DLGAP2: variants seen among roughly 807,000 people sequenced by gnomAD.
DLGAP2 encodes disks large-associated protein 2.
A neutral mutation model predicts 100.3 loss-of-function variants in DLGAP2; 26 were observed. That is an observed-to-expected ratio of 0.26 (90% CI 0.19 to 0.36). DLGAP2 has a LOEUF of 0.36. Among genes scored for constraint, DLGAP2 ranks in the 10% least tolerant of loss-of-function variants. DLGAP2 has a pLI of 1.00. For synonymous variants in DLGAP2, 886 were observed against 630.1 expected (o/e 1.41, Z -6.08); for missense variants, 1,858 against 1,453.2 (o/e 1.28, Z -4.53).
intron 1 of DLGAP2, among the ~76,000 whole-genome samples, chr8:869,983 T>C (rs2128991440): frequency 6.6e-6 from 1 of 150,604 alleles, no homozygotes; most frequent in Admixed American, 6.6e-5. Context: ...AGAAACTGGC[T>C]GAGAAAGATA....
intron 12 of DLGAP2, among the ~76,000 whole-genome samples, chr8:1,679,832 G>T (rs6558509): frequency 0.36 from 55,375 of 151,780 alleles, 12,090 homozygotes; most frequent in East Asian, 0.59. Context: ...AAATTCAAAT[G>T]AGCCAGGCGT....
At chr8:1,672,624 C>T (rs1798719176) in intron 10 of DLGAP2, among the ~76,000 whole-genome samples, 1 of 152,206 alleles carries the variant, frequency 6.6e-6, no homozygotes, top group African/African-American at 2.4e-5. Flanking sequence ...AATGTCCTGC[C>T]TGTGATAAAA....
intron 2 of DLGAP2, among the ~76,000 whole-genome samples, chr8:1,191,199 TCTCA>T (rs1489536965): frequency 1.4e-5 from 2 of 147,402 alleles, no homozygotes; most frequent in Non-Finnish European, 3.0e-5. Context: ...TGAGACGGAA[TCTCA>T]CTCTGTCACC....
At chr8:1,511,351 C>T (rs111644815) in intron 4 of DLGAP2, among the ~76,000 whole-genome samples, 3 of 143,444 alleles carry the variant, frequency 2.1e-5, no homozygotes, top group Non-Finnish European at 4.6e-5. Flanking sequence ...CTTCCATGGA[C>T]GTAAGGGCTG....
At chr8:746,519 A>G (rs1406405976) in intron 1 of DLGAP2, among the ~76,000 whole-genome samples, 1 of 152,200 alleles carries the variant, frequency 6.6e-6, no homozygotes, top group Non-Finnish European at 1.5e-5. Context: ...CTGGGAGAGA[A>G]GATCTGTGGG....
intron 5 of DLGAP2, among the ~76,000 whole-genome samples, chr8:1,557,383 G>T (rs1048946575): frequency 6.6e-6 from 1 of 152,112 alleles, no homozygotes; most frequent in African/African-American, 2.4e-5. Context: ...TGAGATGGAC[G>T]TGCCGATGGC....
chr8:1,267,615 AG>A (rs1263640433), intron 3 of DLGAP2, among the ~76,000 whole-genome samples: 2,196 of 121,070 alleles, frequency 0.018, 322 homozygotes, highest in African/African-American at 0.074. Context: ...AGATAAGATA[AG>A]ATAAGATAAA....
chr8:1,435,132 G>A (rs1797579054), intron 3 of DLGAP2, among the ~76,000 whole-genome samples: 2 of 152,226 alleles, frequency 1.3e-5, no homozygotes, highest in South Asian at 2.1e-4. Flanking sequence ...GTGTCCTCTT[G>A]TATTTTGTGA....
intron 6 of DLGAP2, among the ~76,000 whole-genome samples, chr8:1,592,851 C>T (rs1796332523): frequency 6.6e-6 from 1 of 152,154 alleles, no homozygotes; most frequent in South Asian, 2.1e-4. Context: ...CAGGGTACCG[C>T]TGGCTGGGAT....
chr8:1,293,125 TTG>T (rs766176319), intron 3 of DLGAP2, among the ~76,000 whole-genome samples: 14 of 152,188 alleles, frequency 9.2e-5, no homozygotes, highest in Non-Finnish European at 1.8e-4. Context: ...TTTTCAATCC[TTG>T]TGTGTCTGAA....
At chr8:911,821 A>C (rs1424180061) in intron 2 of DLGAP2, among the ~76,000 whole-genome samples, 2 of 152,232 alleles carry the variant, frequency 1.3e-5, no homozygotes, top group Middle Eastern at 3.2e-3. Flanking sequence ...GCTGGAGAAC[A>C]CATCAGAAGC....
chr8:1,516,964 G>C (rs924294865), intron 4 of DLGAP2, among the ~76,000 whole-genome samples: 3 of 152,216 alleles, frequency 2.0e-5, no homozygotes, highest in African/African-American at 7.2e-5. Context: ...CTCATCCACT[G>C]TCTCAGGCAG....
At chr8:1,172,335 C>T (rs1322409416) in intron 2 of DLGAP2, among the ~76,000 whole-genome samples, 5 of 152,040 alleles carry the variant, frequency 3.3e-5, no homozygotes, top group Admixed American at 6.6e-5. Flanking sequence ...TTCATTTCCA[C>T]TTTGGTGAAT....
intron 1 of DLGAP2, among the ~76,000 whole-genome samples, chr8:803,481 T>C (rs928232832): frequency 2.0e-5 from 3 of 152,094 alleles, no homozygotes; most frequent in Admixed American, 6.6e-5. Context: ...GCTGCTCCTG[T>C]CCATGGGGAA....
intron 3 of DLGAP2, among the ~76,000 whole-genome samples, chr8:1,496,077 A>G (rs1340230643): frequency 6.6e-6 from 1 of 152,098 alleles, no homozygotes; most frequent in Non-Finnish European, 1.5e-5. Flanking sequence ...TAAAACGCCC[A>G]CTGGCTTCCC....
intron 2 of DLGAP2, among the ~76,000 whole-genome samples, chr8:1,183,022 C>A (rs114961558): frequency 6.6e-6 from 1 of 152,176 alleles, no homozygotes; most frequent in East Asian, 1.9e-4. Context: ...ACTGCCAGTG[C>A]GGGGAACGTG....
At chr8:1,155,029 C>T (rs1476530017) in intron 2 of DLGAP2, among the ~76,000 whole-genome samples, 1 of 152,194 alleles carries the variant, frequency 6.6e-6, no homozygotes. Flanking sequence ...TGTTCCCACT[C>T]ATTCTCGCAG....
In DLGAP2 at chr8:1,435,892, A is replaced by T. The variant is rs1039782195; in HGVS notation, c.107-65474A>T. Among the ~76,000 whole-genome samples the T allele has an allele frequency of 2.0e-5, 3 of 152,158 alleles. No individual in the cohort carries two copies. In the East Asian group the frequency reaches 5.8e-4, roughly 29 times the overall value. ...GAGAGTTTAAAAAGTAAATTTAAAAATTAAAGATTAAAAATAGTAAAAGGG... is the reference window on the plus strand; with the variant it reads ...GAGAGTTTAAAAAGTAAATTTAAAATTTAAAGATTAAAAATAGTAAAAGGG... On this transcript the variant is annotated intron_variant, in intron 3 of 14. Transcript: ENST00000637795.
At chr8:1,502,807 A>G (rs6997216) in intron 4 of DLGAP2, among the ~76,000 whole-genome samples, 12,238 of 152,236 alleles carry the variant, frequency 0.08, 1,417 homozygotes, top group African/African-American at 0.25. Flanking sequence ...TGTTAATGTC[A>G]TAGTTGTGTC....
Sources: gnomAD v4.1 joint callset for allele counts (sites outside exome capture counted in the v4.1 genomes callset) on GRCh38, gnomAD v4.1.1 for gene constraint, MANE v1.5 for transcripts, NCBI Gene and HGNC (gene_info 2026-07-23, HGNC 2026-07-21) for gene names.